The following PCDH15 variants were observed in gnomAD, a reference collection of about 807,000 sequenced individuals.
PCDH15 encodes the protein protocadherin related 15.
Under a neutral mutation model 178.5 loss-of-function variants are expected in PCDH15, and 129 were observed. The observed-to-expected ratio is 0.72, with a 90% confidence interval of 0.63 to 0.84. The LOEUF (loss-of-function observed/expected upper bound fraction) is 0.84, where lower values mean the gene tolerates loss of function less well. Ranked by LOEUF, PCDH15 falls within the 40% of genes least tolerant of loss-of-function variation. PCDH15 has a pLI of 0.00. For missense variants in PCDH15, 2,230 were observed against 2,099.9 expected (o/e 1.06, Z -1.21); for synonymous variants, 800 against 732.0 (o/e 1.09, Z -1.50).
chr10:54,817,673 A>G (rs1952970726), intron 3 of PCDH15, among the ~76,000 whole-genome samples: 1 of 152,042 alleles, frequency 6.6e-6, no homozygotes. Flanking sequence ...ACAAAGAATT[A>G]TACACTGTAT....
Position 54,010,659 on chromosome 10 carries a change from T to A in PCDH15, c.2751+9533A>T, listed in dbSNP as rs540361094. ...AGTGGTGAGAAAACCCCAGAGACAA[T>A]CCACAACCTCTCTGTGACTGCAGCT... On this transcript the variant is annotated intron_variant, in intron 20 of 37. Transcript: ENST00000644397. Among the ~76,000 whole-genome samples the A allele has an allele frequency of 2.6e-5, 4 of 152,072 alleles. No homozygotes were observed. In the South Asian group the frequency reaches 8.3e-4, roughly 32 times the overall value.
At chr10:55,027,423 G>A (rs953652493) in intron 2 of PCDH15, among the ~76,000 whole-genome samples, 1 of 151,688 alleles carries the variant, frequency 6.6e-6, no homozygotes, top group Non-Finnish European at 1.5e-5. Flanking sequence ...TATATCAGAG[G>A]TGAATGAGGG....
chr10:55,428,530 C>A (rs2132053982), intron 2 of PCDH15, among the ~76,000 whole-genome samples: 1 of 151,884 alleles, frequency 6.6e-6, no homozygotes, highest in South Asian at 2.1e-4. Context: ...TAGATACATA[C>A]ATATGTATAT....
intron 20 of PCDH15, among the ~76,000 whole-genome samples, chr10:54,019,614 T>C (rs190652599): frequency 1.3e-5 from 2 of 152,230 alleles, no homozygotes; most frequent in Admixed American, 1.3e-4. Flanking sequence ...AAAAATGCCA[T>C]GCTCTTTCAG....
chr10:54,042,868 T>C (rs2093578927), intron 18 of PCDH15, among the ~76,000 whole-genome samples: 2 of 152,082 alleles, frequency 1.3e-5, no homozygotes, highest in South Asian at 4.1e-4. Flanking sequence ...ATTTACATAA[T>C]CTAGGGGAAA....
At chr10:55,519,394 G>A (rs1841102142) in intron 2 of PCDH15, among the ~76,000 whole-genome samples, 1 of 151,918 alleles carries the variant, frequency 6.6e-6, no homozygotes, top group African/African-American at 2.4e-5. Context: ...GTTTCTGGGG[G>A]TTAAAGTCAA....
chr10:54,257,400 CT>C (rs1242208948), intron 8 of PCDH15, among the ~76,000 whole-genome samples: 2 of 68,822 alleles, frequency 2.9e-5, no homozygotes, highest in East Asian at 4.7e-4. Flanking sequence ...AGAGAATTGT[CT>C]TCTTTTTTTT....
intron 2 of PCDH15, among the ~76,000 whole-genome samples, chr10:54,968,880 C>A (rs1838862303): frequency 6.6e-6 from 1 of 152,042 alleles, no homozygotes; most frequent in South Asian, 2.1e-4. Flanking sequence ...GCCTTTTCTT[C>A]AAACGTGTTT....
chr10:55,258,245 G>A (rs1045054259), intron 1 of PCDH15, among the ~76,000 whole-genome samples: 2 of 152,248 alleles, frequency 1.3e-5, no homozygotes, highest in African/African-American at 2.4e-5. Flanking sequence ...AAGACAAATG[G>A]AGATTACTGA....
chr10:54,296,344 T>C (rs1443561775), intron 8 of PCDH15, among the ~76,000 whole-genome samples: 1 of 151,712 alleles, frequency 6.6e-6, no homozygotes, highest in Admixed American at 6.6e-5. Context: ...GCCATTCAGC[T>C]CCAGGGTCCC....
rs1442334732 is a variant in PCDH15, at chr10:54,421,936, T to A, written c.158-42994A>T. Among the ~76,000 whole-genome samples the A allele has an allele frequency of 4.3e-5, 5 of 115,228 alleles. No individual in the cohort carries two copies. The East Asian group carries it at 1.0e-3, about 24-fold the overall frequency. The allele number at this position is 115,228 out of a possible 152,430, so 75.6% of individuals were successfully genotyped here. On this transcript the variant is annotated intron_variant, in intron 3 of 37. Coordinates refer to ENST00000644397, the MANE Select transcript of PCDH15 (RefSeq NM_001384140.1). ...ACTATATATATATATACACTATATA[T>A]ATATATATAAAAATATATATATATA...
chr10:53,994,581 T>C (rs1229043735), intron 21 of PCDH15: 2 of 152,156 alleles, frequency 1.3e-5, no homozygotes, highest in African/African-American at 2.4e-5. Context: ...ATTGCCAGTT[T>C]CACATTCACT....
chr10:54,020,393 T>G lies in PCDH15; in HGVS notation c.2550A>C (p.Ala850=), dbSNP rs140893140. 1.6e-5 allele frequency: 26 copies of G among 1,613,788 alleles called. No individual in the cohort carries two copies. The East Asian group carries it at 4.7e-4, about 29-fold the overall frequency. The change falls in exon 20 of 38, where the codon GCA becomes GCC. Residue 850 remains alanine, a synonymous_variant. Coordinates refer to ENST00000644397, the MANE Select transcript of PCDH15 (RefSeq NM_001384140.1). ...GGCTTCTTATCCGGTAAGACACATT[T>G]GCTCCAAGGTCGACATCTTTGGCCT... ...QIEAKDVDLG[A]NVSYRIRSPE...
At chr10:54,866,361 G>A (rs1021458116) in intron 3 of PCDH15, among the ~76,000 whole-genome samples, 2 of 152,118 alleles carry the variant, frequency 1.3e-5, no homozygotes, top group Non-Finnish European at 2.9e-5. Context: ...AATGATTTGT[G>A]AGAAGTCTAC....
At chr10:54,332,955 A>ATTTT (rs1282767851) in intron 6 of PCDH15, among the ~76,000 whole-genome samples, 2 of 151,784 alleles carry the variant, frequency 1.3e-5, no homozygotes, top group African/African-American at 4.8e-5. Flanking sequence ...TTATTTATTT[A>ATTTT]TTGAGATGGA....
At chr10:54,738,973 A>G (rs1248597928) in intron 1 of PCDH15, among the ~76,000 whole-genome samples, 1 of 152,068 alleles carries the variant, frequency 6.6e-6, no homozygotes, top group Non-Finnish European at 1.5e-5. Flanking sequence ...ATGGGAAAAC[A>G]TTGAAAGCCT....
intron 3 of PCDH15, among the ~76,000 whole-genome samples, chr10:54,501,381 A>C (rs995390817): frequency 9.9e-5 from 15 of 152,118 alleles, no homozygotes; most frequent in African/African-American, 3.1e-4. Flanking sequence ...AGACTAAATT[A>C]TCTCTCTAAT....
upstream of PCDH15, among the ~76,000 whole-genome samples, chr10:55,320,359 T>C (rs55778032): frequency 0.21 from 29,988 of 144,982 alleles, 3,397 homozygotes; most frequent in African/African-American, 0.32. Flanking sequence ...CCCACCCCAG[T>C]CCACACCATG....
intron 2 of PCDH15, among the ~76,000 whole-genome samples, chr10:54,622,621 A>ATATAT (rs2093399227): frequency 2.4e-5 from 1 of 41,918 alleles, no homozygotes; most frequent in Non-Finnish European, 4.6e-5. Flanking sequence ...TATATATAAT[A>ATATAT]TATATAATAT....
Sources: gnomAD v4.1 joint callset for allele counts (sites outside exome capture counted in the v4.1 genomes callset) on GRCh38, gnomAD v4.1.1 for gene constraint, MANE v1.5 for transcripts, NCBI Gene and HGNC (gene_info 2026-07-23, HGNC 2026-07-21) for gene names.